KDM2A: variants seen among roughly 807,000 people sequenced by gnomAD.
KDM2A encodes the protein lysine-specific demethylase 2A.
KDM2A carries 3 observed loss-of-function variants against 137.3 expected under a neutral mutation model. The observed-to-expected ratio is 0.02, with a 90% CI of 0.01 to 0.06. The LOEUF is 0.06. Ranked by LOEUF, KDM2A falls within the 10% of genes least tolerant of loss-of-function variation. The probability of loss-of-function intolerance (pLI) is 1.00; values close to 1 mark genes in which losing one functional copy is unlikely to be tolerated. For missense variants in KDM2A, 738 were observed against 1,510.6 expected (o/e 0.49, Z 8.48); for synonymous variants, 512 against 541.5 (o/e 0.95, Z 0.76).
intron 2 of KDM2A, among the ~76,000 whole-genome samples, chr11:67,126,212 C>A (rs368340466): frequency 5.3e-5 from 8 of 150,196 alleles, no homozygotes; most frequent in African/African-American, 2.0e-4. Context: ...TGCCGTTGCA[C>A]TCCAGCCTGG....
At chr11:67,130,812 T>C (rs1855837949) in intron 2 of KDM2A, among the ~76,000 whole-genome samples, 1 of 152,156 alleles carries the variant, frequency 6.6e-6, no homozygotes, top group Non-Finnish European at 1.5e-5. Context: ...TATTACCTTA[T>C]TTAATTCTCA....
At chr11:67,138,220 G>A (rs1856012514) in intron 2 of KDM2A, among the ~76,000 whole-genome samples, 1 of 152,144 alleles carries the variant, frequency 6.6e-6, no homozygotes. Flanking sequence ...ACTTCTGTAA[G>A]TCAAGGAATA....
chr11:67,212,630 A>G (rs1858027871), intron 6 of KDM2A, among the ~76,000 whole-genome samples: 1 of 152,138 alleles, frequency 6.6e-6, no homozygotes, highest in African/African-American at 2.4e-5. Context: ...TCCCAAGGCT[A>G]AAGATTAACC....
chr11:67,124,444 T>C (rs1473478913), intron 2 of KDM2A, among the ~76,000 whole-genome samples: 1 of 152,054 alleles, frequency 6.6e-6, no homozygotes, highest in Non-Finnish European at 1.5e-5. Flanking sequence ...CCCAAGTAGC[T>C]GCGATTACAG....
chr11:67,166,251 C>T (rs1268676878), intron 2 of KDM2A, among the ~76,000 whole-genome samples: 10 of 139,390 alleles, frequency 7.2e-5, no homozygotes, highest in African/African-American at 2.4e-4. Context: ...GTGGTGTGAT[C>T]TCGGCTCACT....
At chr11:67,156,075 C>G (rs536593085) in intron 2 of KDM2A, among the ~76,000 whole-genome samples, 2 of 145,404 alleles carry the variant, frequency 1.4e-5, no homozygotes, top group Non-Finnish European at 3.0e-5. Context: ...TGTGGAGAAA[C>G]CCCGTCTCTA....
chr11:67,232,854 C>T (rs533058205), intron 12 of KDM2A, among the ~76,000 whole-genome samples: 35 of 152,086 alleles, frequency 2.3e-4, no homozygotes, highest in South Asian at 1.5e-3. Flanking sequence ...ATTACAGACA[C>T]GTGCCACCAT....
Position 67,233,837 on chromosome 11 carries a change from A to G in KDM2A, c.1479+1877A>G, listed in dbSNP as rs553241826. On this transcript the variant is annotated intron_variant, in intron 12 of 20. Transcript: ENST00000529006. ...GAGACATCTAAAGAGGAGGCTTAGC[A>G]TTATGAAAAGTGTCCGGAGATAGCT... is the stretch of plus-strand genomic sequence containing the variant. Among the ~76,000 whole-genome samples, 4 of 152,230 alleles carry G rather than the reference A, an allele frequency of 2.6e-5. No individual in the cohort carries two copies. In the East Asian group the frequency reaches 7.8e-4, roughly 30 times the overall value.
intron 2 of KDM2A, among the ~76,000 whole-genome samples, chr11:67,147,117 A>G (rs972439835): frequency 1.3e-5 from 2 of 152,154 alleles, no homozygotes; most frequent in Non-Finnish European, 2.9e-5. Context: ...AGTCCGATGT[A>G]TGTCATCAAC....
chr11:67,247,035 TTTTATATATA>T (rs1377009331), intron 15 of KDM2A, among the ~76,000 whole-genome samples: 1 of 75,048 alleles, frequency 1.3e-5, no homozygotes, highest in Non-Finnish European at 2.4e-5. Context: ...TTATAAATTA[TTTTATATATA>T]TATATATATA....
At chr11:67,206,539 C>T (rs777983089) in intron 5 of KDM2A, among the ~76,000 whole-genome samples, 2 of 152,216 alleles carry the variant, frequency 1.3e-5, no homozygotes, top group Non-Finnish European at 2.9e-5. Flanking sequence ...GAGTTGGAGG[C>T]CATCCTGGGC....
chr11:67,154,815 G>A (rs760047829), intron 2 of KDM2A, among the ~76,000 whole-genome samples: 32 of 152,226 alleles, frequency 2.1e-4, no homozygotes, highest in Middle Eastern at 3.4e-3. Context: ...GCATATGTTC[G>A]AGGTTCATCT....
intron 5 of KDM2A, among the ~76,000 whole-genome samples, chr11:67,205,990 G>A (rs368965019): frequency 2.0e-5 from 3 of 151,904 alleles, no homozygotes; most frequent in Non-Finnish European, 4.4e-5. Flanking sequence ...TTTTACTGCC[G>A]CTTGAGCACC....
chr11:67,134,724 C>T (rs1417261021), intron 2 of KDM2A, among the ~76,000 whole-genome samples: 1 of 151,992 alleles, frequency 6.6e-6, no homozygotes, highest in Admixed American at 6.6e-5. Flanking sequence ...AGGCTGGTCT[C>T]GAACTTCTGA....
At chr11:67,125,690 A>G (rs1855705360) in intron 2 of KDM2A, among the ~76,000 whole-genome samples, 1 of 150,326 alleles carries the variant, frequency 6.7e-6, no homozygotes, top group African/African-American at 2.5e-5. Context: ...GAGGCAGGAG[A>G]ATCGCTTGAA....
At chr11:67,157,923 C>T (rs1250218578) in intron 2 of KDM2A, among the ~76,000 whole-genome samples, 5 of 152,114 alleles carry the variant, frequency 3.3e-5, no homozygotes, top group African/African-American at 7.2e-5. Flanking sequence ...GACCCCATCG[C>T]AAAAGAAAGA....
chr11:67,215,688 C>T (rs1858139987), intron 7 of KDM2A, 168 bp from the exon 8 acceptor site: 8 of 661,736 alleles, frequency 1.2e-5, no homozygotes, highest in Non-Finnish European at 1.6e-5. Context: ...AAAAAAAAAC[C>T]TTTTTCTGAT....
rs1859649257 is a variant in KDM2A at position 67,257,452 on chromosome 11, A to T, written c.*2397A>T. 6.6e-6 allele frequency: 1 copy of T among 152,516 alleles called. No homozygotes were observed. Among genetic ancestry groups the T allele is most frequent in the Non-Finnish European group, 1.5e-5 (1 of 68,020 alleles). 9.4% of individuals were successfully genotyped at this position (152,516 alleles called of 1,614,324 possible). ...TGTTGGGGGACAGAGGAACCTGGGG[A>T]GTCCATCGCATGTCCTACAATCTGC... On this transcript the variant is annotated 3_prime_UTR_variant, in exon 21 of 21. Coordinates refer to ENST00000529006, the MANE Select transcript of KDM2A (RefSeq NM_012308.3).
intron 2 of KDM2A, among the ~76,000 whole-genome samples, chr11:67,137,709 A>G (rs1398087514): frequency 6.6e-6 from 1 of 152,176 alleles, no homozygotes; most frequent in Non-Finnish European, 1.5e-5. Context: ...GAAAAGGTTA[A>G]ATGAGAAGTG....
Sources: allele counts gnomAD v4.1 joint callset (sites outside exome capture counted in the v4.1 genomes callset), GRCh38; gene constraint gnomAD v4.1.1; transcripts MANE v1.5; gene names NCBI Gene and HGNC (gene_info 2026-07-23, HGNC 2026-07-21).